CSMD1: variants seen among roughly 807,000 people sequenced by gnomAD.
CSMD1 encodes CUB and Sushi multiple domains 1, also known as CUB and sushi domain-containing protein 1.
Under a neutral mutation model 417.5 loss-of-function variants are expected in CSMD1, and 213 were observed. The ratio of observed to expected loss-of-function variants is 0.51; its 90% CI spans 0.46 to 0.57. CSMD1 has a LOEUF of 0.57. Ranked by LOEUF, CSMD1 falls within the 20% of genes least tolerant of loss-of-function variation. The pLI is 0.00. For missense variants in CSMD1, 6,923 were observed against 4,529.7 expected (o/e 1.53, Z -15.17); for synonymous variants, 2,862 against 1,736.8 (o/e 1.65, Z -16.11).
In CSMD1 at chr8:3,914,382, CGGG is replaced by C. The variant is rs1554484330; in HGVS notation, c.818+83518_818+83520del. 7.8e-4 allele frequency among the ~76,000 whole-genome samples: 119 copies of C among 152,028 alleles called. 1 individual carries two copies. The highest frequency in any genetic ancestry group is 6.2e-4 in the South Asian group (3 of 4,814). The stretch of plus-strand genomic sequence containing the variant: ...TACGTTGGATAGATGTAAAAACATA[CGGG>C]TACAGATAAAGATGTTTGGTGCAAG... On this transcript the variant is annotated intron_variant, in intron 5 of 69. Transcript: ENST00000635120.
intron 29 of CSMD1, among the ~76,000 whole-genome samples, chr8:3,219,002 C>T (rs28500556): frequency 1.3e-5 from 2 of 151,990 alleles, no homozygotes; most frequent in East Asian, 3.9e-4. Context: ...TTTTACAAAC[C>T]ACAATTTATT....
chr8:3,544,796 G>C (rs137890269), intron 10 of CSMD1, among the ~76,000 whole-genome samples: 1,781 of 152,190 alleles, frequency 0.012, 29 homozygotes, highest in African/African-American at 0.041. Flanking sequence ...TTTCTCTAAT[G>C]AGAAAAGATA....
intron 1 of CSMD1, among the ~76,000 whole-genome samples, chr8:4,679,537 C>T (rs184838831): frequency 1.3e-3 from 198 of 152,200 alleles, no homozygotes; most frequent in Middle Eastern, 3.4e-3. Context: ...CCCCAAAATG[C>T]CAAATTTGAG....
chr8:4,828,781 A>C (rs1799971773), intron 1 of CSMD1, among the ~76,000 whole-genome samples: 2 of 152,076 alleles, frequency 1.3e-5, no homozygotes, highest in Admixed American at 1.3e-4. Context: ...CAGTTTCTTT[A>C]CCCTTAAAAT....
rs748323050 is a variant in CSMD1 at position 4,448,164 on chromosome 8, G to A, written c.303-28099C>T. Among the ~76,000 whole-genome samples, 89 of 152,238 alleles carry A rather than the reference G, an allele frequency of 5.8e-4. 1 individual carries two copies. Among genetic ancestry groups the A allele is most frequent in the Middle Eastern group, 3.4e-3 (1 of 294 alleles). On this transcript the variant is annotated intron_variant, in intron 2 of 69. Transcript: ENST00000635120. ...TGTATCGCTCGTATCACCTCAAGGT[G>A]AACATGTAACCATAATGTCTATTTT...
At chr8:3,886,758 G>T (rs907043671) in intron 5 of CSMD1, among the ~76,000 whole-genome samples, 1 of 152,274 alleles carries the variant, frequency 6.6e-6, no homozygotes, top group Non-Finnish European at 1.5e-5. Context: ...TTCTCTGCAG[G>T]ACACAGACTT....
At chr8:3,776,390 G>A (rs1402940931) in intron 5 of CSMD1, among the ~76,000 whole-genome samples, 1 of 152,158 alleles carries the variant, frequency 6.6e-6, no homozygotes. Context: ...AGACTCTAAA[G>A]AGGCGCTGCA....
chr8:4,915,181 C>T (rs10046738), intron 1 of CSMD1, among the ~76,000 whole-genome samples: 5,970 of 151,984 alleles, frequency 0.039, 139 homozygotes, highest in South Asian at 0.053. Flanking sequence ...AAGAGAAATG[C>T]ATATATACAC....
At chr8:4,924,670 C>T (rs956674096) in intron 1 of CSMD1, among the ~76,000 whole-genome samples, 10 of 122,090 alleles carry the variant, frequency 8.2e-5, no homozygotes, top group Admixed American at 4.8e-4. Context: ...TGCAGTGAGC[C>T]GAGATCGCAC....
intron 1 of CSMD1, among the ~76,000 whole-genome samples, chr8:4,893,352 CTTT>C (rs1180835572): frequency 1.3e-5 from 2 of 151,886 alleles, no homozygotes; most frequent in African/African-American, 2.4e-5. Flanking sequence ...TTTTCTGTCA[CTTT>C]TTTAACTTTG....
intron 2 of CSMD1, among the ~76,000 whole-genome samples, chr8:4,536,181 T>C (rs68044239): frequency 0.23 from 35,505 of 152,036 alleles, 4,867 homozygotes; most frequent in Non-Finnish European, 0.3. Flanking sequence ...TTTGTTTTAT[T>C]TGACTGCAAA....
intron 11 of CSMD1, among the ~76,000 whole-genome samples, chr8:3,473,501 T>C (rs867270287): frequency 6.6e-6 from 1 of 152,334 alleles, no homozygotes; most frequent in Middle Eastern, 3.4e-3. Context: ...TTCTGGTTTT[T>C]AGAACTATTT....
Position 4,949,661 on chromosome 8 carries a change from C to T in CSMD1, c.85+44671G>A, listed in dbSNP as rs552695996. Among the ~76,000 whole-genome samples the T allele has an allele frequency of 3.9e-5, 6 of 152,178 alleles. No homozygotes were observed. In the South Asian group the frequency reaches 6.2e-4, roughly 16 times the overall value. On this transcript the variant is annotated intron_variant, in intron 1 of 69. Transcript: ENST00000635120. Reference sequence around the variant, plus strand: ...ATCTGACCCCACATGGCAATAGTGCCAAGGCTGAGAAATACTGCATTAGTT... The same window carrying T: ...ATCTGACCCCACATGGCAATAGTGCTAAGGCTGAGAAATACTGCATTAGTT...
chr8:3,003,957 T>A (rs1807651816), intron 52 of CSMD1, among the ~76,000 whole-genome samples: 2 of 152,204 alleles, frequency 1.3e-5, no homozygotes. Context: ...ACCATTTGCA[T>A]CCTGTCCAGC....
chr8:4,936,814 T>C (rs1455945610), intron 1 of CSMD1, among the ~76,000 whole-genome samples: 1 of 152,260 alleles, frequency 6.6e-6, no homozygotes, highest in Non-Finnish European at 1.5e-5. Flanking sequence ...ATGGATTTTA[T>C]AACAGCTTTG....
At chr8:3,898,534 G>A (rs1008049052) in intron 5 of CSMD1, among the ~76,000 whole-genome samples, 1 of 152,168 alleles carries the variant, frequency 6.6e-6, no homozygotes, top group Admixed American at 6.5e-5. Flanking sequence ...ATATCTTTGG[G>A]TTGTCACAAT....
intron 1 of CSMD1, among the ~76,000 whole-genome samples, chr8:4,640,601 T>C (rs1254988059): frequency 1.3e-5 from 2 of 152,198 alleles, no homozygotes; most frequent in African/African-American, 4.8e-5. Context: ...ACGATGTACA[T>C]CTAAGCTTAA....
At chr8:3,839,432 TTAA>T (rs1193325137) in intron 5 of CSMD1, among the ~76,000 whole-genome samples, 2 of 53,646 alleles carry the variant, frequency 3.7e-5, no homozygotes, top group African/African-American at 1.1e-4. Flanking sequence ...ATATAATAAA[TTAA>T]TATTATATAT....
At chr8:4,659,616 G>A (rs544145325) in intron 1 of CSMD1, among the ~76,000 whole-genome samples, 3 of 152,210 alleles carry the variant, frequency 2.0e-5, no homozygotes, top group East Asian at 3.9e-4. Context: ...ACAGATTGGT[G>A]ATTGCCAGAG....
Sources: gnomAD v4.1 joint callset for allele counts (sites outside exome capture counted in the v4.1 genomes callset) on GRCh38, gnomAD v4.1.1 for gene constraint, MANE v1.5 for transcripts, NCBI Gene and HGNC (gene_info 2026-07-23, HGNC 2026-07-21) for gene names.